ZBTB16: variants seen among roughly 807,000 people sequenced by gnomAD.
The protein encoded by ZBTB16 is zinc finger and BTB domain containing 16, also known as zinc finger and BTB domain-containing protein 16.
In ZBTB16, 8 loss-of-function variants were observed where a neutral mutation model predicts 56.8. The ratio of observed to expected loss-of-function variants is 0.14; its 90% CI spans 0.08 to 0.25. ZBTB16 has a LOEUF of 0.25. Ranked by LOEUF, ZBTB16 falls within the 10% of genes least tolerant of loss-of-function variation. The pLI is 1.00. For synonymous variants in ZBTB16, 363 were observed against 368.5 expected (o/e 0.98, Z 0.17); for missense variants, 625 against 903.0 (o/e 0.69, Z 3.95).
chr11:114,059,976 TTCGGCCAC>T lies in ZBTB16; in HGVS notation c.-91+101_-91+108del. ...AGAGGTCTGGGGGGCGCGCGCTCGC[TTCGGCCAC>T]TCGGCCGCTGGGCTTGTGCCTTTTT... is the stretch of plus-strand genomic sequence containing the variant. On this transcript the variant is annotated intron_variant, in intron 1 of 6. Coordinates refer to ENST00000335953, the MANE Select transcript of ZBTB16 (RefSeq NM_006006.6). This position sits in a 1 kb window ranked among gnomAD's most constrained non-coding sequence, Gnocchi z 5.3. 2.5e-6 allele frequency: 1 copy of T among 393,384 alleles called. No homozygotes were observed. Among genetic ancestry groups the T allele is most frequent in the Non-Finnish European group, 4.5e-6 (1 of 223,074 alleles). The allele number at this position is 393,384 out of a possible 1,614,324, so 24.4% of individuals were successfully genotyped here.
At chr11:114,177,666 AAG>A (rs1943150361) in intron 3 of ZBTB16, among the ~76,000 whole-genome samples, 1 of 152,146 alleles carries the variant, frequency 6.6e-6, no homozygotes, top group Non-Finnish European at 1.5e-5. Context: ...TTCCTGTAGT[AAG>A]AGAGATTTTG....
At chr11:114,231,014 A>G (rs1442518836) in intron 4 of ZBTB16, among the ~76,000 whole-genome samples, 1 of 152,128 alleles carries the variant, frequency 6.6e-6, no homozygotes. Flanking sequence ...TTTCCCCCAG[A>G]GAACCTACTC....
chr11:114,098,105 C>T (rs1218767853), intron 2 of ZBTB16, among the ~76,000 whole-genome samples: 1 of 152,200 alleles, frequency 6.6e-6, no homozygotes, highest in Admixed American at 6.5e-5. Context: ...TTTTCCTGCT[C>T]TTCTTCCCTT....
At chr11:114,229,527 C>G (rs1317196385) in intron 4 of ZBTB16, among the ~76,000 whole-genome samples, 1 of 152,182 alleles carries the variant, frequency 6.6e-6, no homozygotes, top group Non-Finnish European at 1.5e-5. Context: ...GCTTCTAAAT[C>G]CAGCCTCTCA....
At chr11:114,207,992 A>G (rs670875) in intron 4 of ZBTB16, among the ~76,000 whole-genome samples, 141,848 of 152,198 alleles carry the variant, frequency 0.93, 66,464 homozygotes, top group East Asian at 1. Context: ...CAGGTGATCC[A>G]CCCACTTCGG....
At chr11:114,228,677 T>C (rs551824223) in intron 4 of ZBTB16, among the ~76,000 whole-genome samples, 8 of 152,308 alleles carry the variant, frequency 5.3e-5, no homozygotes, top group South Asian at 2.1e-4. Context: ...TTGCAGGGCA[T>C]CACAGGAGCC....
At chr11:114,068,060 CAAAAAAA>C (rs4020463) in intron 2 of ZBTB16, among the ~76,000 whole-genome samples, 1 of 111,348 alleles carries the variant, frequency 9.0e-6, no homozygotes, top group African/African-American at 3.6e-5. Context: ...AAAGCCAAGA[CAAAAAAA>C]AAAAAAAAAT....
chr11:114,124,570 A>AAAAAAAAAAAAAAACAAAAAAAAAAAAC (rs1565638154), intron 2 of ZBTB16, among the ~76,000 whole-genome samples: 2 of 146,582 alleles, frequency 1.4e-5, no homozygotes, highest in Non-Finnish European at 3.0e-5. Flanking sequence ...AAAAAAAAAA[A>AAAAAAAAAAAAAAACAAAAAAAAAAAAC]AACAAAAACA....
In ZBTB16 at chr11:114,060,354, GA is replaced by G. The variant is rs1938775247; in HGVS notation, c.-91+473del. On this transcript the variant is annotated intron_variant, in intron 1 of 6. Coordinates refer to ENST00000335953, the MANE Select transcript of ZBTB16 (RefSeq NM_006006.6). The surrounding 1 kb of genome is among the most constrained non-coding windows in gnomAD (Gnocchi z 6.0). ...GCCGGCTGGGAAGCTAGAATCGGAG[GA>G]GCTGACGAGTAGATCTGGGGGCGGA... 6.6e-6 allele frequency: 1 copy of G among 152,620 alleles called. No homozygotes were observed. The highest frequency in any genetic ancestry group is 2.4e-5 in the African/African-American group (1 of 41,482). The allele number at this position is 152,620 out of a possible 1,614,324, so 9.5% of individuals were successfully genotyped here.
At chr11:114,088,384 T>C (rs1940043476) in intron 2 of ZBTB16, among the ~76,000 whole-genome samples, 1 of 152,102 alleles carries the variant, frequency 6.6e-6, no homozygotes. Context: ...TCAAGTGATC[T>C]TCCTGCCTTA....
chr11:114,209,359 A>G, intron 4 of ZBTB16: 2 of 984,392 alleles, frequency 2.0e-6, no homozygotes, highest in Non-Finnish European at 2.4e-6. Flanking sequence ...TTCTTGATCT[A>G]CTGTTTTTCA....
intron 3 of ZBTB16, among the ~76,000 whole-genome samples, chr11:114,186,041 A>G (rs1354010312): frequency 6.6e-6 from 1 of 152,190 alleles, no homozygotes; most frequent in Non-Finnish European, 1.5e-5. Flanking sequence ...TGAGAGAGAA[A>G]GACAGGGCCA....
chr11:114,242,500 A>G (rs1322707139), intron 5 of ZBTB16, among the ~76,000 whole-genome samples, 163 bp downstream of exon 5: 1 of 152,200 alleles, frequency 6.6e-6, no homozygotes, highest in African/African-American at 2.4e-5. Flanking sequence ...AAATGTGGAC[A>G]GTTCTCCCAG....
Position 114,144,411 on chromosome 11 carries a change from C to T in ZBTB16, c.1269-11926C>T, listed in dbSNP as rs115946726. On this transcript the variant is annotated intron_variant, in intron 2 of 6. Coordinates refer to ENST00000335953, the MANE Select transcript of ZBTB16 (RefSeq NM_006006.6). ...GCTTTCTACTGGGGCATTTACAGGC[C>T]GTTTTAATTACCTGCAGCTTGCAAA... 8.7e-3 allele frequency among the ~76,000 whole-genome samples: 1,332 copies of T among 152,284 alleles called. 18 individuals are homozygous for T. The highest frequency in any genetic ancestry group is 0.03 in the African/African-American group (1,266 of 41,550).
At chr11:114,189,484 G>A (rs1378721579) in intron 4 of ZBTB16, 1 of 152,220 alleles carries the variant, frequency 6.6e-6, no homozygotes, top group African/African-American at 2.4e-5. Context: ...GTGTAAAATG[G>A]TGTAGCCACT....
chr11:114,241,714 C>CT (rs1041423868), intron 4 of ZBTB16, among the ~76,000 whole-genome samples: 1 of 152,122 alleles, frequency 6.6e-6, no homozygotes, highest in African/African-American at 2.4e-5. Context: ...CAGAGGCTAG[C>CT]TTTTTGAGTT....
chr11:114,208,301 C>T (rs1425554378), intron 4 of ZBTB16, among the ~76,000 whole-genome samples: 1 of 152,142 alleles, frequency 6.6e-6, no homozygotes, highest in East Asian at 1.9e-4. Context: ...AGGGAGCTTC[C>T]TGATTAGAAG....
chr11:114,067,683 A>G (rs554671679), intron 2 of ZBTB16, among the ~76,000 whole-genome samples: 1 of 152,246 alleles, frequency 6.6e-6, no homozygotes, highest in South Asian at 2.1e-4. Context: ...CTGGGATTAT[A>G]GGTGTGTGCC....
chr11:114,068,522 G>C (rs963643338), intron 2 of ZBTB16, among the ~76,000 whole-genome samples: 2 of 152,194 alleles, frequency 1.3e-5, no homozygotes, highest in Non-Finnish European at 2.9e-5. Context: ...TGTAGTCATG[G>C]ATGGGTGGGA....
Sources: gnomAD v4.1 joint callset for allele counts (sites outside exome capture counted in the v4.1 genomes callset) on GRCh38, gnomAD v4.1.1 for gene constraint, Gnocchi (gnomAD v3.1) non-coding constraint, MANE v1.5 for transcripts, NCBI Gene and HGNC (gene_info 2026-07-23, HGNC 2026-07-21) for gene names.